The following PIWIL1 variants were observed in gnomAD, a reference collection of about 807,000 sequenced individuals.
The protein encoded by PIWIL1 is piwi-like protein 1.
A neutral mutation model predicts 114.4 loss-of-function variants in PIWIL1; 73 were observed. The ratio of observed to expected loss-of-function variants is 0.64; its 90% CI spans 0.53 to 0.78. The LOEUF (loss-of-function observed/expected upper bound fraction) is 0.78. Ranked by LOEUF, PIWIL1 falls within the 30% of genes least tolerant of loss-of-function variation. The probability of loss-of-function intolerance (pLI) is 0.00; values close to 1 mark genes in which losing one functional copy is unlikely to be tolerated. For synonymous variants in PIWIL1, 375 were observed against 369.0 expected, an observed-to-expected ratio of 1.02 and a Z score of -0.19; for missense variants, 723 against 1,063.1, an observed-to-expected ratio of 0.68 and a Z score of 4.45.
the PIWIL1 span, among the ~76,000 whole-genome samples, chr12:130,393,472 C>T: frequency 2.7e-5 from 3 of 112,190 alleles, no homozygotes; most frequent in Admixed American, 2.8e-4. Context: ...ACGTGTCCGT[C>T]AGTTACCTGG....
At chr12:130,355,122 AG>A in intron 11 of PIWIL1, 117 bp downstream of exon 11, 5 of 727,468 alleles carry the variant, frequency 6.9e-6, no homozygotes, top group Admixed American at 6.2e-5. Flanking sequence ...TGGTATCTGT[AG>A]TATTTGGGGT....
At chr12:130,403,109 A>G in the PIWIL1 span, among the ~76,000 whole-genome samples, 1 of 152,232 alleles carries the variant, frequency 6.6e-6, no homozygotes, top group Non-Finnish European at 1.5e-5. Flanking sequence ...GGACCGGTGG[A>G]GTATTTGAAT....
In PIWIL1 at chr12:130,372,014, G is replaced by A. The variant is rs2073827546; in HGVS notation, c.*416G>A. 1 of 154,722 alleles carries A rather than the reference G, an allele frequency of 6.5e-6. No homozygotes were observed. The highest frequency in any genetic ancestry group is 2.4e-5 in the African/African-American group (1 of 41,424). The allele number at this position is 154,722 out of a possible 1,614,324, so 9.6% of individuals were successfully genotyped here. ...TGTTTTGAATTTAAAGGAGATAAGA[G>A]GCGTAAAGTAGGATGCTCACTACAA... On this transcript the variant is annotated 3_prime_UTR_variant, in exon 21 of 21. Coordinates refer to ENST00000245255, the MANE Select transcript of PIWIL1 (RefSeq NM_004764.5).
At chr12:130,348,682 C>T (rs1387808128) in intron 7 of PIWIL1, among the ~76,000 whole-genome samples, 1 of 152,110 alleles carries the variant, frequency 6.6e-6, no homozygotes, top group Non-Finnish European at 1.5e-5. Flanking sequence ...GCGGGTGGAT[C>T]ACGAGGTCAG....
At chr12:130,343,686 C>T (rs561869753) in intron 3 of PIWIL1, among the ~76,000 whole-genome samples, 207 of 141,146 alleles carry the variant, frequency 1.5e-3, no homozygotes, top group African/African-American at 5.2e-3. Context: ...AGTGCAGTGG[C>T]GCGATCTCTG....
the PIWIL1 span, chr12:130,419,897 T>A: frequency 6.6e-6 from 1 of 152,184 alleles, no homozygotes; most frequent in Non-Finnish European, 1.5e-5. The surrounding 1 kb of genome is among the most constrained non-coding windows in gnomAD (Gnocchi z 4.3). Context: ...CATAATTTTG[T>A]TTTTTAATCA....
chr12:130,424,615 C>T, the PIWIL1 span: 2 of 1,231,948 alleles, frequency 1.6e-6, no homozygotes, highest in Non-Finnish European at 2.0e-6. This position sits in a 1 kb window ranked among gnomAD's most constrained non-coding sequence, Gnocchi z 9.8. Context: ...CTGTGCTTCA[C>T]CGGGAACCAG....
chr12:130,392,516 G>A, the PIWIL1 span, among the ~76,000 whole-genome samples: 16 of 128,856 alleles, frequency 1.2e-4, 6 homozygotes, highest in East Asian at 4.4e-4. Flanking sequence ...GTTACCTGTT[G>A]AATATTGAAT....
the PIWIL1 span, chr12:130,424,585 G>A: frequency 1.6e-6 from 2 of 1,231,862 alleles, no homozygotes; most frequent in Non-Finnish European, 2.0e-6. This position sits in a 1 kb window ranked among gnomAD's most constrained non-coding sequence, Gnocchi z 9.8. Flanking sequence ...TCCTCCACGT[G>A]GGGGACGGCC....
chr12:130,385,335 G>T, the PIWIL1 span, among the ~76,000 whole-genome samples: 1 of 152,148 alleles, frequency 6.6e-6, no homozygotes, highest in African/African-American at 2.4e-5. Flanking sequence ...ACATTATCAT[G>T]AGCTACTGTT....
the PIWIL1 span, among the ~76,000 whole-genome samples, chr12:130,406,765 G>A: frequency 6.6e-6 from 1 of 152,152 alleles, no homozygotes; most frequent in Admixed American, 6.5e-5. Context: ...TTCTGCCTCA[G>A]CCTCCTGAGC....
chr12:130,393,938 T>A, the PIWIL1 span, among the ~76,000 whole-genome samples: 5 of 152,288 alleles, frequency 3.3e-5, no homozygotes, highest in African/African-American at 1.2e-4. Context: ...TTTTGCATTA[T>A]TAGTTTTTAT....
rs1465025777 is a variant in PIWIL1 at position 130,372,529 on chromosome 12, CG to C, written c.*933del. The stretch of plus-strand genomic sequence containing the variant: ...AGGAGAATCACTTGAACCTGAGAGG[CG>C]GAGGTTGCAGTGAGCAGAGATCACG... On this transcript the variant is annotated 3_prime_UTR_variant, in exon 21 of 21. Coordinates refer to ENST00000245255, the MANE Select transcript of PIWIL1 (RefSeq NM_004764.5). 1.5e-5 allele frequency: 2 copies of C among 133,126 alleles called. No individual in the cohort carries two copies. The highest frequency in any genetic ancestry group is 5.8e-5 in the African/African-American group (2 of 34,718). The allele number at this position is 133,126 out of a possible 1,614,324, so 8.2% of individuals were successfully genotyped here.
intron 14 of PIWIL1, among the ~76,000 whole-genome samples, chr12:130,358,764 G>A (rs1207985833): frequency 6.6e-6 from 1 of 152,138 alleles, no homozygotes; most frequent in African/African-American, 2.4e-5. Context: ...TAAATTGTTG[G>A]TTAGAAACTG....
the PIWIL1 span, among the ~76,000 whole-genome samples, chr12:130,408,815 A>G: frequency 6.6e-6 from 1 of 152,210 alleles, no homozygotes; most frequent in Non-Finnish European, 1.5e-5. Flanking sequence ...ATCAAAGGCA[A>G]ATATCTCAAC....
At chr12:130,410,804 G>A in the PIWIL1 span, among the ~76,000 whole-genome samples, 2 of 152,164 alleles carry the variant, frequency 1.3e-5, no homozygotes, top group Non-Finnish European at 2.9e-5. Context: ...AATCTTCCAA[G>A]CTTCTTGTTC....
the PIWIL1 span, chr12:130,424,866 G>C: frequency 5.7e-6 from 7 of 1,230,634 alleles, no homozygotes; most frequent in Non-Finnish European, 7.1e-6. The surrounding 1 kb of genome is among the most constrained non-coding windows in gnomAD (Gnocchi z 9.8). Flanking sequence ...GTCCTTACGG[G>C]GTGGTGTGTC....
At chr12:130,407,948 G>T in the PIWIL1 span, 1 of 841,452 alleles carries the variant, frequency 1.2e-6, no homozygotes, top group East Asian at 2.5e-5. Context: ...TGCTAACAGG[G>T]CCACGTGCTC....
the PIWIL1 span, among the ~76,000 whole-genome samples, chr12:130,423,991 C>T: frequency 3.5e-4 from 53 of 152,194 alleles, no homozygotes; most frequent in South Asian, 8.5e-3. Context: ...GGAAGCAAAT[C>T]GGACTTGAGA....
Sources: allele counts gnomAD v4.1 joint callset (sites outside exome capture counted in the v4.1 genomes callset), GRCh38; gene constraint gnomAD v4.1.1; non-coding constraint Gnocchi (gnomAD v3.1); transcripts MANE v1.5; gene names NCBI Gene and HGNC (gene_info 2026-07-23, HGNC 2026-07-21).